The following ZNF850 variants were observed in gnomAD, a reference collection of about 807,000 sequenced individuals.
ZNF850 encodes putative zinc finger protein ENSP00000330994.
In ZNF850, 2 loss-of-function variants were observed where a neutral mutation model predicts 11.9. The observed-to-expected ratio is 0.17, with a 90% CI of 0.07 to 0.53. The LOEUF (loss-of-function observed/expected upper bound fraction) is 0.53. ZNF850 is among the 20% of genes least tolerant of loss of function. The pLI is 0.94. For missense variants in ZNF850, 1,014 were observed against 1,316.4 expected (o/e 0.77, Z 3.55); for synonymous variants, 381 against 443.0 (o/e 0.86, Z 1.76).
At chr19:36,753,422 C>CAAAAAAAAAAAAAAAAAAAAAAAAAA (rs58851544) in intron 4 of ZNF850, among the ~76,000 whole-genome samples, 1 of 46,654 alleles carries the variant, frequency 2.1e-5, no homozygotes, top group Admixed American at 3.8e-4. Context: ...GACACTGTCT[C>CAAAAAAAAAAAAAAAAAAAAAAAAAA]AAAAAAAAAA....
intron 4 of ZNF850, 71 bp downstream of exon 4, chr19:36,761,572 A>T (rs1432234394): frequency 9.6e-6 from 8 of 830,302 alleles, no homozygotes; most frequent in Non-Finnish European, 1.5e-5. Flanking sequence ...CAATACCTGT[A>T]CGGTGCTGCC....
intron 4 of ZNF850, among the ~76,000 whole-genome samples, chr19:36,757,888 C>T (rs1292735118): frequency 2.6e-5 from 4 of 152,072 alleles, no homozygotes. Flanking sequence ...GTGGTGCAAT[C>T]ACAGCTCACT....
Position 36,761,623 on chromosome 19 carries a change from T to C in ZNF850, c.235+20A>G. The C allele has an allele frequency of 6.9e-7, 1 of 1,446,276 alleles. No homozygotes were observed. Among genetic ancestry groups the C allele is most frequent in the East Asian group, 2.4e-5 (1 of 40,936 alleles). 89.6% of individuals were successfully genotyped at this position (1,446,276 alleles called of 1,614,324 possible). ...CTTCTAAACAGCAGTGTCTTCCCCA[T>C]GTGCTCAGTCCTTACTCACCTCGGC... On this transcript the variant is annotated intron_variant, in intron 4 of 4. Coordinates refer to ENST00000591344, the MANE Select transcript of ZNF850 (RefSeq NM_001193552.2).
chr19:36,759,546 G>T (rs531908311), intron 4 of ZNF850, among the ~76,000 whole-genome samples: 5 of 152,198 alleles, frequency 3.3e-5, no homozygotes, highest in African/African-American at 9.6e-5. Context: ...TGATATCCAG[G>T]ACTTGCTTTA....
At position 36,749,037 on chromosome 19, in the gene ZNF850, G is replaced by T; in HGVS notation, c.2003C>A (p.Thr668Asn). The change falls in exon 5 of 5, where the codon ACT becomes AAT. Residue 668 changes from threonine to asparagine, a missense_variant. Transcript: ENST00000591344. ...SGLTQHHRIH[T>N]GEKPYECPDC... ...CGGACATTCATAGGGTTTCTCACCAGTGTGAATTCTGTGATGTTGGGTGAG... is the reference window on the plus strand; with the variant it reads ...CGGACATTCATAGGGTTTCTCACCATTGTGAATTCTGTGATGTTGGGTGAG... The T allele has an allele frequency of 6.2e-7, 1 of 1,608,938 alleles. No homozygotes were observed.
Position 36,750,679 on chromosome 19 carries a change from A to C in ZNF850, c.361T>G (p.Trp121Gly). 1.3e-6 allele frequency: 2 copies of C among 1,536,178 alleles called. No homozygotes were observed. The highest frequency in any genetic ancestry group is 1.7e-6 in the Non-Finnish European group (2 of 1,146,922). The stretch of plus-strand genomic sequence containing the variant: ...TGCTGAAACTGGCCTTTGCATTCCC[A>C]GTCATCTCTGACACTGGAGCCCACA... ...SLVGSSVRDD[W>G]ECKGQFQHQD... The change falls in exon 5 of 5, where the codon TGG becomes GGG. Residue 121 changes from tryptophan (W) to glycine (G), a missense_variant. Coordinates refer to ENST00000591344, the MANE Select transcript of ZNF850 (RefSeq NM_001193552.2).
rs1287065974 is a variant in ZNF850, at chr19:36,749,980, G to A, written c.1060C>T (p.Arg354Ter). 7.7e-6 allele frequency: 12 copies of A among 1,560,480 alleles called. No individual in the cohort carries two copies. Among genetic ancestry groups the A allele is most frequent in the South Asian group, 3.5e-5 (3 of 85,242 alleles). ...TCACCAGTGTGAATTCGCTGATGTCGAATTAGTGCTGAGCCTGAAGCAAAA... is the reference window on the plus strand; with the variant it reads ...TCACCAGTGTGAATTCGCTGATGTCAAATTAGTGCTGAGCCTGAAGCAAAA... ...KSFASGSALI[R>*]HQRIHTGEKP... The change falls in exon 5 of 5, where the codon CGA (arginine) becomes TGA (stop). Residue 354 changes from arginine (R) to a stop codon, truncating the protein, a stop_gained. Transcript: ENST00000591344. LOFTEE classifies it low-confidence loss of function (END_TRUNC).
intron 1 of ZNF850, 136 bp downstream of exon 1, chr19:36,772,589 C>G (rs2040592710): frequency 4.6e-5 from 7 of 153,536 alleles, no homozygotes. Context: ...CACAAGCGCC[C>G]ACCTGATCAC....
chr19:36,758,889 C>T (rs1250953004), intron 4 of ZNF850, among the ~76,000 whole-genome samples: 3 of 149,332 alleles, frequency 2.0e-5, no homozygotes, highest in Non-Finnish European at 3.0e-5. Context: ...CCATCCTGGC[C>T]AATGTGGTGA....
Position 36,747,869 on chromosome 19 carries a change from A to G in ZNF850, c.3171T>C (p.Ser1057=), listed in dbSNP as rs1555810757. Residue 1057 remains serine, a synonymous_variant, in exon 5 of 5, where the codon AGT becomes AGC. Transcript: ENST00000591344. ...CATAGGGTTTCTCGCCAGTGTGAAC[A>G]CTCTGATGTCGGCTGAGTCCTGAGG... ...FYASGLSRHQ[S]VHTGEKPYEC... is the part of the protein sequence containing the mutation. 29 of 1,579,790 alleles carry G rather than the reference A, an allele frequency of 1.8e-5. 1 individual carries two copies. Among genetic ancestry groups the G allele is most frequent in the Middle Eastern group, 1.7e-4 (1 of 6,048 alleles).
Position 36,748,526 on chromosome 19 carries a change from C to T in ZNF850, c.2514G>A (p.Glu838=), listed in dbSNP as rs1248747861. 1 of 1,537,658 alleles carries T rather than the reference C, an allele frequency of 6.5e-7. No homozygotes were observed. The highest frequency in any genetic ancestry group is 2.0e-5 in the Admixed American group (1 of 50,998). Residue 838 remains glutamate, a synonymous_variant, in exon 5 of 5, where the codon GAG becomes GAA. Transcript: ENST00000591344. ...LIQHRPVHTG[E]KRYSCKECGK... ...CACATTCTTTACAACTGTAGCGTTT[C>T]TCACCAGTGTGAACTGGCCGATGTT...
In ZNF850 at chr19:36,772,785, C is replaced by CGCG. The variant is rs1568322096; in HGVS notation, c.-133_-131dup. On this transcript the variant is annotated 5_prime_UTR_variant, in exon 1 of 5. Coordinates refer to ENST00000591344, the MANE Select transcript of ZNF850 (RefSeq NM_001193552.2). Reference sequence around the variant, plus strand: ...AGCCAAGTTCCTCAGGACTCCAAGGCGCGGCGGCAGCTAAATCGGCACAGC... The same window carrying CGCG: ...AGCCAAGTTCCTCAGGACTCCAAGGCGCGGCGGCGGCAGCTAAATCGGCACAGC... 6.6e-6 allele frequency: 1 copy of CGCG among 152,340 alleles called. No individual in the cohort carries two copies. Among genetic ancestry groups the CGCG allele is most frequent in the Non-Finnish European group, 1.5e-5 (1 of 68,144 alleles). The allele number at this position is 152,340 out of a possible 1,614,324, so 9.4% of individuals were successfully genotyped here. A position where few individuals can be genotyped will look rare whatever the true frequency, so the allele number is the denominator to read the frequency against.
Position 36,749,826 on chromosome 19 carries a change from C to A in ZNF850, c.1214G>T (p.Arg405Leu), listed in dbSNP as rs530386668. ...CKECGKSFTF[R>L]SGLIGHQAIH... is the part of the protein sequence containing the mutation. ...TGCCTGGTGTCCAATTAACCCTGAG[C>A]GAAAAGTAAAAGATTTCCCACATTC... is the stretch of plus-strand genomic sequence containing the variant. Residue 405 changes from arginine (R) to leucine (L), a missense_variant, in exon 5 of 5, where the codon CGC (arginine) becomes CTC (leucine). This residue lies in a region of ZNF850 where 835 missense variants were observed against 1,022.0 expected (regional missense o/e 0.82). Transcript: ENST00000591344. 1 of 1,566,058 alleles carries A rather than the reference C, an allele frequency of 6.4e-7. No individual in the cohort carries two copies. Among genetic ancestry groups the A allele is most frequent in the East Asian group, 2.4e-5 (1 of 42,404 alleles).
chr19:36,765,005 GC>G (rs1258462924), intron 1 of ZNF850, among the ~76,000 whole-genome samples: 1 of 151,864 alleles, frequency 6.6e-6, no homozygotes, highest in East Asian at 1.9e-4. Flanking sequence ...TTTCTAACTT[GC>G]CCCCTGTATT....
At chr19:36,768,659 T>C (rs2040562520) in intron 1 of ZNF850, among the ~76,000 whole-genome samples, 1 of 152,136 alleles carries the variant, frequency 6.6e-6, no homozygotes, top group Non-Finnish European at 1.5e-5. Context: ...TAGTCCTCCT[T>C]CCCTTTAAAA....
intron 4 of ZNF850, among the ~76,000 whole-genome samples, chr19:36,758,860 C>T (rs1048349593): frequency 4.0e-5 from 6 of 151,664 alleles, no homozygotes; most frequent in African/African-American, 1.2e-4. Flanking sequence ...AGGCAGATCA[C>T]GAGGTCAGGA....
rs182004544 is a variant in ZNF850 at position 36,752,815 on chromosome 19, A to G, written c.236-2011T>C. On this transcript the variant is annotated intron_variant, in intron 4 of 4. Coordinates refer to ENST00000591344, the MANE Select transcript of ZNF850 (RefSeq NM_001193552.2). ...AAATGCAAAAGCAAGGTTAAAAGTC[A>G]TAAAGAAAAGTCAAAGAATTCATTT... is the stretch of plus-strand genomic sequence containing the variant. 2.2e-3 allele frequency among the ~76,000 whole-genome samples: 332 copies of G among 152,358 alleles called. 3 individuals are homozygous for G. In the Middle Eastern group the frequency reaches 0.024, roughly 11 times the overall value.
At chr19:36,760,577 G>A (rs2040512143) in intron 4 of ZNF850, among the ~76,000 whole-genome samples, 1 of 151,262 alleles carries the variant, frequency 6.6e-6, no homozygotes, top group Non-Finnish European at 1.5e-5. Context: ...GACTAAAAGT[G>A]AATGAGGTCA....
intron 4 of ZNF850, among the ~76,000 whole-genome samples, chr19:36,754,774 C>T (rs757717907): frequency 9.2e-5 from 14 of 152,062 alleles, no homozygotes; most frequent in Non-Finnish European, 1.8e-4. Context: ...CCAGCCTGGT[C>T]TTGAGCTACT....
Sources: gnomAD v4.1 joint callset for allele counts (sites outside exome capture counted in the v4.1 genomes callset) on GRCh38, gnomAD v4.1.1 for gene constraint, gnomAD v4.1.1 regional missense constraint, MANE v1.5 for transcripts, NCBI Gene and HGNC (gene_info 2026-07-23, HGNC 2026-07-21) for gene names.